The following LINGO2 variants were observed in gnomAD, a reference collection of about 807,000 sequenced individuals.
LINGO2 encodes the protein leucine rich repeat and Ig domain containing 2.
Under a neutral mutation model 30.6 loss-of-function variants are expected in LINGO2, and 14 were observed. The observed-to-expected ratio is 0.46, with a 90% CI of 0.30 to 0.72. LINGO2 has a LOEUF of 0.72. Among genes scored for constraint, LINGO2 ranks in the 30% least tolerant of loss-of-function variants. The pLI, the probability that LINGO2 is intolerant of heterozygous loss-of-function variation, is 0.07. For missense variants in LINGO2, 729 were observed against 751.7 expected, an observed-to-expected ratio of 0.97 and a Z score of 0.35; for synonymous variants, 317 against 288.5, an observed-to-expected ratio of 1.10 and a Z score of -1.00.
the LINGO2 span, among the ~76,000 whole-genome samples, chr9:28,884,214 T>A: frequency 6.6e-6 from 1 of 152,152 alleles, no homozygotes; most frequent in East Asian, 1.9e-4. Context: ...TTGAAAATAT[T>A]TTTTTCTCCT....
chr9:29,188,744 G>A, the LINGO2 span, among the ~76,000 whole-genome samples: 1 of 140,804 alleles, frequency 7.1e-6, no homozygotes, highest in African/African-American at 2.6e-5. Context: ...GGCTGGCCGG[G>A]CAGAGGGGCT....
chr9:28,153,217 TATTTA>T (rs1828046093), intron 4 of LINGO2, among the ~76,000 whole-genome samples: 2 of 152,214 alleles, frequency 1.3e-5, no homozygotes, highest in African/African-American at 4.8e-5. Flanking sequence ...CTGTTAATTT[TATTTA>T]ATTAACATTT....
chr9:29,108,815 G>A, the LINGO2 span, among the ~76,000 whole-genome samples: 1 of 152,152 alleles, frequency 6.6e-6, no homozygotes, highest in Non-Finnish European at 1.5e-5. Context: ...TTGGGGGTTA[G>A]CCAGGAAATG....
At chr9:28,751,941 T>C in the LINGO2 span, among the ~76,000 whole-genome samples, 3 of 152,024 alleles carry the variant, frequency 2.0e-5, no homozygotes, top group African/African-American at 7.3e-5. Context: ...TCATTTCCTT[T>C]GTTACCATCC....
At chr9:28,662,022 A>G (rs1828603696) in intron 1 of LINGO2, among the ~76,000 whole-genome samples, 1 of 152,198 alleles carries the variant, frequency 6.6e-6, no homozygotes, top group Non-Finnish European at 1.5e-5. Flanking sequence ...GCACTTTCAG[A>G]ATACTGATTC....
chr9:28,800,272 C>T, the LINGO2 span, among the ~76,000 whole-genome samples: 1 of 152,012 alleles, frequency 6.6e-6, no homozygotes, highest in African/African-American at 2.4e-5. Flanking sequence ...GAGTTGAACT[C>T]GATTTTCTTT....
At chr9:29,142,912 C>T in the LINGO2 span, among the ~76,000 whole-genome samples, 47 of 151,968 alleles carry the variant, frequency 3.1e-4, 1 homozygote, top group Admixed American at 3.0e-3. Context: ...AGATTACATA[C>T]ACACACAAAA....
chr9:28,210,667 C>T (rs182690319), intron 4 of LINGO2, among the ~76,000 whole-genome samples: 3 of 151,454 alleles, frequency 2.0e-5, no homozygotes, highest in East Asian at 1.9e-4. Flanking sequence ...TTTATGTAGA[C>T]GCAGAGAGAG....
intron 1 of LINGO2, among the ~76,000 whole-genome samples, chr9:28,660,917 A>G (rs1383871641): frequency 6.6e-6 from 1 of 152,160 alleles, no homozygotes; most frequent in Non-Finnish European, 1.5e-5. Context: ...TTGATGAACC[A>G]GACTGAATGA....
the LINGO2 span, among the ~76,000 whole-genome samples, chr9:28,829,989 T>C: frequency 6.6e-6 from 1 of 152,190 alleles, no homozygotes; most frequent in African/African-American, 2.4e-5. Context: ...CATACATTCA[T>C]AACCAAATTT....
the LINGO2 span, among the ~76,000 whole-genome samples, chr9:28,953,732 A>C: frequency 6.6e-6 from 1 of 152,104 alleles, no homozygotes; most frequent in African/African-American, 2.4e-5. Context: ...ACTGCTTTTA[A>C]AGTTATTGTA....
At chr9:28,174,044 G>A (rs1828675323) in intron 4 of LINGO2, among the ~76,000 whole-genome samples, 1 of 152,124 alleles carries the variant, frequency 6.6e-6, no homozygotes, top group African/African-American at 2.4e-5. Flanking sequence ...GACTGTAAAA[G>A]CAATATTTTC....
At chr9:28,933,460 T>A in the LINGO2 span, among the ~76,000 whole-genome samples, 5 of 151,698 alleles carry the variant, frequency 3.3e-5, no homozygotes, top group Admixed American at 3.3e-4. Context: ...ATGTTAACAA[T>A]TTTTTTTTCC....
chr9:28,575,538 G>A (rs977679584), intron 1 of LINGO2, among the ~76,000 whole-genome samples: 10 of 152,030 alleles, frequency 6.6e-5, no homozygotes, highest in African/African-American at 2.4e-4. Context: ...AGACACTGGG[G>A]AGTTTCGAAG....
chr9:28,435,834 A>G (rs966978872), intron 2 of LINGO2, among the ~76,000 whole-genome samples: 1 of 152,208 alleles, frequency 6.6e-6, no homozygotes, highest in Non-Finnish European at 1.5e-5. Flanking sequence ...AAATCAATAC[A>G]AAAGATAATA....
the LINGO2 span, among the ~76,000 whole-genome samples, chr9:29,156,547 A>G: frequency 6.6e-6 from 1 of 152,134 alleles, no homozygotes; most frequent in African/African-American, 2.4e-5. Flanking sequence ...TCATTTGTGC[A>G]TATAGATGGA....
chr9:28,240,647 A>G (rs572341283), intron 4 of LINGO2, among the ~76,000 whole-genome samples: 2 of 152,156 alleles, frequency 1.3e-5, no homozygotes, highest in Non-Finnish European at 2.9e-5. Context: ...TCAAAACAAA[A>G]TAGATTAAAG....
chr9:29,163,470 A>T, the LINGO2 span, among the ~76,000 whole-genome samples: 3 of 152,196 alleles, frequency 2.0e-5, no homozygotes, highest in African/African-American at 7.2e-5. Context: ...AGAGTCTAAT[A>T]ATACACAGGA....
the LINGO2 span, among the ~76,000 whole-genome samples, chr9:28,809,334 C>T: frequency 6.6e-6 from 1 of 152,242 alleles, no homozygotes; most frequent in Non-Finnish European, 1.5e-5. Context: ...CAAATCATGT[C>T]TCTTGCCAAG....
Sources: gnomAD v4.1 joint callset for allele counts (sites outside exome capture counted in the v4.1 genomes callset) on GRCh38, gnomAD v4.1.1 for gene constraint, MANE v1.5 for transcripts, NCBI Gene and HGNC (gene_info 2026-07-23, HGNC 2026-07-21) for gene names.